The following PALS2 variants were observed in gnomAD, a reference collection of about 807,000 sequenced individuals.
PALS2 encodes the protein protein associated with LIN7 2, MAGUK p55 family member.
A neutral mutation model predicts 61.6 loss-of-function variants in PALS2; 27 were observed. The ratio of observed to expected loss-of-function variants is 0.44; its 90% CI spans 0.32 to 0.60. The LOEUF (loss-of-function observed/expected upper bound fraction) is 0.60. Ranked by LOEUF, PALS2 falls within the 20% of genes least tolerant of loss-of-function variation. The pLI, the probability that PALS2 is intolerant of heterozygous loss-of-function variation, is 0.05. For synonymous variants in PALS2, 236 were observed against 218.6 expected (o/e 1.08, Z -0.70); for missense variants, 554 against 639.4 (o/e 0.87, Z 1.44).
At position 24,650,744 on chromosome 7, in the gene PALS2, A is replaced by G. The variant is rs756155866; in HGVS notation, c.651+32A>G. On this transcript the variant is annotated intron_variant, in intron 5 of 11. Transcript: ENST00000222644. ...AATAAAATTTTTGGTAGTATTAAAAATACTTTCATGTTTTTAATCACAGTG... is the reference window on the plus strand; with the variant it reads ...AATAAAATTTTTGGTAGTATTAAAAGTACTTTCATGTTTTTAATCACAGTG... 38 of 1,365,602 alleles carry G rather than the reference A, an allele frequency of 2.8e-5. No individual in the cohort carries two copies. In the East Asian group the frequency reaches 7.8e-4, roughly 28 times the overall value. 84.6% of individuals were successfully genotyped at this position (1,365,602 alleles called of 1,614,324 possible).
At chr7:24,654,912 T>C (rs1786338107) in intron 5 of PALS2, among the ~76,000 whole-genome samples, 2 of 152,322 alleles carry the variant, frequency 1.3e-5, no homozygotes, top group Middle Eastern at 3.4e-3. Flanking sequence ...GAGATAATGT[T>C]TTTCAATGTG....
chr7:24,633,669 TG>T (rs1435362886), intron 2 of PALS2, among the ~76,000 whole-genome samples: 3 of 152,190 alleles, frequency 2.0e-5, no homozygotes, highest in African/African-American at 7.2e-5. Context: ...ATTTTTGGAT[TG>T]GGGATACTCA....
intron 10 of PALS2, 151 bp downstream of exon 10, chr7:24,679,484 A>G: frequency 2.8e-6 from 2 of 705,698 alleles, no homozygotes; most frequent in East Asian, 2.7e-5. Context: ...GAATGTTATT[A>G]TGTATACATA....
chr7:24,685,103 C>G (rs565919233), intron 11 of PALS2, among the ~76,000 whole-genome samples: 1 of 152,226 alleles, frequency 6.6e-6, no homozygotes, highest in African/African-American at 2.4e-5. Flanking sequence ...CTGATGCTCT[C>G]TCTTCCTCGT....
intron 5 of PALS2, among the ~76,000 whole-genome samples, chr7:24,655,895 T>G (rs1203799911): frequency 6.6e-6 from 1 of 152,160 alleles, no homozygotes; most frequent in Admixed American, 6.5e-5. Context: ...CCTCAGGTAT[T>G]TATCAGAAAG....
At chr7:24,633,786 G>A (rs1785115351) in intron 2 of PALS2, among the ~76,000 whole-genome samples, 1 of 152,042 alleles carries the variant, frequency 6.6e-6, no homozygotes, top group Non-Finnish European at 1.5e-5. Flanking sequence ...GTGTTTCATT[G>A]AGGAACTGCC....
intron 5 of PALS2, among the ~76,000 whole-genome samples, chr7:24,660,505 G>A (rs1198234877): frequency 6.6e-6 from 1 of 151,818 alleles, no homozygotes. Flanking sequence ...TCTGTCTTGA[G>A]GATATTTCCT....
At chr7:24,632,443 A>G (rs1288454108) in intron 2 of PALS2, among the ~76,000 whole-genome samples, 2 of 152,230 alleles carry the variant, frequency 1.3e-5, no homozygotes, top group East Asian at 3.9e-4. Flanking sequence ...CTCTGTTGCC[A>G]GGCTGGAGTG....
At chr7:24,649,861 G>A in intron 4 of PALS2, 97 bp downstream of exon 4, 1 of 1,176,732 alleles carries the variant, frequency 8.5e-7, no homozygotes, top group Non-Finnish European at 1.1e-6. Flanking sequence ...TTTTCATAAT[G>A]TTATGAAAAC....
intron 1 of PALS2, among the ~76,000 whole-genome samples, chr7:24,595,611 A>G (rs1783494980): frequency 1.5e-5 from 2 of 132,904 alleles, no homozygotes; most frequent in South Asian, 2.2e-4. Flanking sequence ...TTGAATGTCT[A>G]CTGTGTGTCA....
At chr7:24,680,121 C>CAT (rs1787841470) in intron 10 of PALS2, among the ~76,000 whole-genome samples, 1 of 152,062 alleles carries the variant, frequency 6.6e-6, no homozygotes, top group Non-Finnish European at 1.5e-5. Context: ...CTACAATTAA[C>CAT]ATAAAAAAGA....
chr7:24,624,173 C>A, intron 2 of PALS2: 1 of 1,237,970 alleles, frequency 8.1e-7, no homozygotes, highest in Non-Finnish European at 1.1e-6. Context: ...TCTTGACTTC[C>A]TTTATCTAGT....
Position 24,663,577 on chromosome 7 carries a change from CTA to C in PALS2, c.652-11_652-10del, listed in dbSNP as rs1406668055. 1.3e-6 allele frequency: 2 copies of C among 1,570,672 alleles called. No individual in the cohort carries two copies. Among genetic ancestry groups the C allele is most frequent in the Non-Finnish European group, 1.7e-6 (2 of 1,152,634 alleles). On this transcript the variant is annotated splice_polypyrimidine_tract_variant and intron_variant, in intron 5 of 11. Coordinates refer to ENST00000222644, the MANE Select transcript of PALS2 (RefSeq NM_001303037.2). ...TACAACTATAGTATTTTTAATTGTG[CTA>C]TGTGTTTTAGGTATTTGTGAAGTGT...
intron 5 of PALS2, among the ~76,000 whole-genome samples, chr7:24,662,017 A>G: frequency 6.6e-6 from 1 of 152,162 alleles, no homozygotes; most frequent in East Asian, 1.9e-4. Context: ...GACATTATCA[A>G]GTTAGCCAAT....
chr7:24,607,494 GATATATATGTGT>G (rs1388741873), intron 1 of PALS2, among the ~76,000 whole-genome samples: 5 of 150,516 alleles, frequency 3.3e-5, no homozygotes, highest in Non-Finnish European at 5.9e-5. Flanking sequence ...ACACACACAT[GATATATATGTGT>G]ATATATATGT....
intron 5 of PALS2, among the ~76,000 whole-genome samples, chr7:24,651,872 A>T (rs1296152311): frequency 6.6e-6 from 1 of 152,216 alleles, no homozygotes; most frequent in African/African-American, 2.4e-5. Context: ...CATTTCATTG[A>T]ATGTCTATTT....
chr7:24,626,508 C>T (rs990327889), intron 2 of PALS2, among the ~76,000 whole-genome samples: 14 of 152,066 alleles, frequency 9.2e-5, no homozygotes, highest in African/African-American at 1.2e-4. Context: ...ATTATAATGA[C>T]GGGATCAGAT....
chr7:24,674,764 A>T (rs1256501904), intron 9 of PALS2, among the ~76,000 whole-genome samples: 1 of 152,188 alleles, frequency 6.6e-6, no homozygotes, highest in East Asian at 1.9e-4. Flanking sequence ...TATATTACAA[A>T]ATGATCCTAA....
intron 1 of PALS2, among the ~76,000 whole-genome samples, chr7:24,585,406 T>C (rs1227203135): frequency 6.6e-6 from 1 of 152,204 alleles, no homozygotes; most frequent in Non-Finnish European, 1.5e-5. Flanking sequence ...TTCCTAGGTA[T>C]ATTCAGATCC....
Sources: allele counts gnomAD v4.1 joint callset (sites outside exome capture counted in the v4.1 genomes callset), GRCh38; gene constraint gnomAD v4.1.1; transcripts MANE v1.5; gene names NCBI Gene and HGNC (gene_info 2026-07-23, HGNC 2026-07-21).